MLLT1: variants seen among roughly 807,000 people sequenced by gnomAD.
MLLT1 encodes MLLT1 super elongation complex subunit, also known as protein ENL.
MLLT1 carries 11 observed loss-of-function variants against 55.1 expected under a neutral mutation model. That is an observed-to-expected ratio of 0.20 (90% confidence interval 0.13 to 0.33). The LOEUF (loss-of-function observed/expected upper bound fraction) is 0.33. MLLT1 is among the 10% of genes least tolerant of loss of function. The pLI is 1.00. For synonymous variants in MLLT1, 323 were observed against 320.1 expected, an observed-to-expected ratio of 1.01 and a Z score of -0.10; for missense variants, 536 against 760.6, an observed-to-expected ratio of 0.70 and a Z score of 3.47.
At position 6,226,936 on chromosome 19, in the gene MLLT1, C is replaced by A; in HGVS notation, c.546+41G>T. On this transcript the variant is annotated intron_variant, in intron 5 of 11. Transcript: ENST00000252674. This position sits in a 1 kb window ranked among gnomAD's most constrained non-coding sequence, Gnocchi z 6.3. Reference sequence around the variant, plus strand: ...CGGGGCCAGACCCACCACAGCTGGGCCCCGGCGCTCCCACGCGACTGGGCC... The same window carrying A: ...CGGGGCCAGACCCACCACAGCTGGGACCCGGCGCTCCCACGCGACTGGGCC... 1 of 1,507,258 alleles carries A rather than the reference C, an allele frequency of 6.6e-7. No individual in the cohort carries two copies. The highest frequency in any genetic ancestry group is 8.9e-7 in the Non-Finnish European group (1 of 1,128,482). 93.4% of individuals were successfully genotyped at this position (1,507,258 alleles called of 1,614,324 possible).
chr19:6,267,530 T>C (rs1453209823), intron 2 of MLLT1, among the ~76,000 whole-genome samples: 5 of 151,962 alleles, frequency 3.3e-5, no homozygotes, highest in Non-Finnish European at 5.9e-5. Context: ...AGACCAAATG[T>C]GAAGCAAGCT....
chr19:6,234,218 G>A (rs1568282600), intron 3 of MLLT1, among the ~76,000 whole-genome samples: 1 of 152,238 alleles, frequency 6.6e-6, no homozygotes. Context: ...TGTCCTCGCG[G>A]GACCCCCGGG....
At position 6,229,390 on chromosome 19, in the gene MLLT1, G is replaced by A. The variant is rs938318435; in HGVS notation, c.420+1180C>T. 4.6e-5 allele frequency among the ~76,000 whole-genome samples: 7 copies of A among 151,826 alleles called. No homozygotes were observed. Among genetic ancestry groups the A allele is most frequent in the Admixed American group, 1.3e-4 (2 of 15,256 alleles). ...GCCTCCTTCTTCTTAGGAGAACGAC[G>A]GCCACCAAGGACCTGACCATGCCCC... On this transcript the variant is annotated intron_variant, in intron 4 of 11. Transcript: ENST00000252674. This position sits in a 1 kb window ranked among gnomAD's most constrained non-coding sequence, Gnocchi z 5.2.
chr19:6,275,404 G>A (rs986425774), intron 1 of MLLT1, among the ~76,000 whole-genome samples: 1 of 152,278 alleles, frequency 6.6e-6, no homozygotes, highest in Middle Eastern at 3.4e-3. Flanking sequence ...ACAGGAAGAG[G>A]TGACGAGGCT....
intron 3 of MLLT1, among the ~76,000 whole-genome samples, chr19:6,245,793 G>A (rs2091162777): frequency 6.6e-6 from 1 of 152,142 alleles, no homozygotes; most frequent in Non-Finnish European, 1.5e-5. Flanking sequence ...CAGCTACTTG[G>A]GAGGCTAAGG....
rs1049126051 is a variant in MLLT1, at chr19:6,219,531, G to A, written c.1111-1490C>T. Among the ~76,000 whole-genome samples, 1 of 152,192 alleles carries A rather than the reference G, an allele frequency of 6.6e-6. No individual in the cohort carries two copies. The highest frequency in any genetic ancestry group is 2.4e-5 in the African/African-American group (1 of 41,434). ...CCCAGCCTTCTAACCAGCAGGCCTT[G>A]CTACTCAGAACAAGGCCGTCCTATG... is the stretch of plus-strand genomic sequence containing the variant. On this transcript the variant is annotated intron_variant, in intron 6 of 11. Transcript: ENST00000252674. This position sits in a 1 kb window ranked among gnomAD's most constrained non-coding sequence, Gnocchi z 4.5.
intron 2 of MLLT1, among the ~76,000 whole-genome samples, chr19:6,265,624 C>T (rs1241431247): frequency 2.0e-5 from 3 of 151,654 alleles, no homozygotes; most frequent in Non-Finnish European, 4.4e-5. Context: ...GAGCCAAGAT[C>T]GCGCCATTGC....
chr19:6,230,012 C>A lies in MLLT1; in HGVS notation c.420+558G>T, dbSNP rs1258791376. 6.6e-6 allele frequency among the ~76,000 whole-genome samples: 1 copy of A among 152,130 alleles called. No homozygotes were observed. The highest frequency in any genetic ancestry group is 1.9e-4 in the East Asian group (1 of 5,188). On this transcript the variant is annotated intron_variant, in intron 4 of 11. Coordinates refer to ENST00000252674, the MANE Select transcript of MLLT1 (RefSeq NM_005934.4). The surrounding 1 kb of genome is among the most constrained non-coding windows in gnomAD (Gnocchi z 9.0). ...CTGCACGTCCCTCCCTCCACGCCCC[C>A]CTCCTCCATAACCACCACCAGCCCT...
Position 6,212,527 on chromosome 19 carries a change from G to A in MLLT1, c.*515C>T. On this transcript the variant is annotated 3_prime_UTR_variant, in exon 12 of 12. Transcript: ENST00000252674. ...ACTATACAGCACAGACCCCAGCGCA[G>A]CGCGAGCCGGGGAGGAGCCGGCGCT... The A allele has an allele frequency of 8.3e-6, 9 of 1,080,938 alleles. No individual in the cohort carries two copies. The highest frequency in any genetic ancestry group is 4.4e-5 in the South Asian group (1 of 22,986). 67.0% of individuals were successfully genotyped at this position (1,080,938 alleles called of 1,614,324 possible).
At chr19:6,266,953 C>T (rs1197642033) in intron 2 of MLLT1, among the ~76,000 whole-genome samples, 1 of 152,104 alleles carries the variant, frequency 6.6e-6, no homozygotes, top group Non-Finnish European at 1.5e-5. Flanking sequence ...CAGCATGAAA[C>T]ACTCAGAGGA....
chr19:6,231,902 A>G lies in MLLT1; in HGVS notation c.277-1189T>C, dbSNP rs2091014536. 6.6e-6 allele frequency among the ~76,000 whole-genome samples: 1 copy of G among 152,058 alleles called. No homozygotes were observed. Among genetic ancestry groups the G allele is most frequent in the Admixed American group, 6.5e-5 (1 of 15,276 alleles). On this transcript the variant is annotated intron_variant, in intron 3 of 11. Coordinates refer to ENST00000252674, the MANE Select transcript of MLLT1 (RefSeq NM_005934.4). The surrounding 1 kb of genome is among the most constrained non-coding windows in gnomAD (Gnocchi z 5.1). ...GAGTGTGGGAAAACCGCACTATGAC[A>G]AGCACGAATGTCACACGGAAGAAGG...
chr19:6,278,201 T>C (rs1046439333), intron 1 of MLLT1, among the ~76,000 whole-genome samples: 6 of 152,136 alleles, frequency 3.9e-5, no homozygotes, highest in Non-Finnish European at 8.8e-5. Flanking sequence ...CACAACACCT[T>C]TCCTGGCCTG....
chr19:6,216,484 G>T lies in MLLT1; in HGVS notation c.1228C>A (p.Gln410Lys). 6.2e-7 allele frequency: 1 copy of T among 1,605,282 alleles called. No individual in the cohort carries two copies. The highest frequency in any genetic ancestry group is 8.5e-7 in the Non-Finnish European group (1 of 1,176,824). ...TCGTCCTCGTCGGACTCCTCGGACTGCAGGTCCTCCACCATGGAGCGCAGG... is the reference window on the plus strand; with the variant it reads ...TCGTCCTCGTCGGACTCCTCGGACTTCAGGTCCTCCACCATGGAGCGCAGG... ...GPLRSMVEDL[Q>K]SEESDEDDSS... is the part of the protein sequence containing the mutation. The change falls in exon 8 of 12, where the codon CAG (glutamine) becomes AAG (lysine). Residue 410 changes from glutamine to lysine, a missense_variant. Physicochemically the swap from Gln to Lys is moderately conservative, Grantham distance 53. Transcript: ENST00000252674.
intron 1 of MLLT1, among the ~76,000 whole-genome samples, chr19:6,276,436 G>A (rs528770246): frequency 6.6e-6 from 1 of 152,266 alleles, no homozygotes; most frequent in South Asian, 2.1e-4. Context: ...ATCGTTGTGA[G>A]GCAGCTGCTC....
At chr19:6,263,706 G>C (rs1247217422) in intron 2 of MLLT1, among the ~76,000 whole-genome samples, 3 of 152,226 alleles carry the variant, frequency 2.0e-5, no homozygotes, top group African/African-American at 7.2e-5. Context: ...AAGGCCGTGA[G>C]AGTGAAGGCA....
chr19:6,214,148 C>A (rs909319772), intron 8 of MLLT1, 110 bp from the exon 9 acceptor site: 7 of 529,500 alleles, frequency 1.3e-5, no homozygotes, highest in Admixed American at 7.7e-5. Context: ...AGCCCACACA[C>A]CCCCAACAGC....
rs564250577 is a variant in MLLT1, at chr19:6,263,725, G to A, written c.194-1415C>T. Among the ~76,000 whole-genome samples the A allele has an allele frequency of 3.9e-5, 6 of 152,326 alleles. No individual in the cohort carries two copies. The South Asian group carries it at 8.3e-4, about 21-fold the overall frequency. ...CCGTGAGAGTGAAGGCAGGAGGGAG[G>A]AGATTCAAGCCACCTGCCAGTTTCT... On this transcript the variant is annotated intron_variant, in intron 2 of 11. Transcript: ENST00000252674.
At chr19:6,255,178 T>C (rs780432149) in intron 3 of MLLT1, among the ~76,000 whole-genome samples, 2 of 152,078 alleles carry the variant, frequency 1.3e-5, no homozygotes, top group Non-Finnish European at 2.9e-5. Flanking sequence ...CCATTTACAA[T>C]AGCATTCCAA....
chr19:6,242,485 G>A (rs1336010568), intron 3 of MLLT1, among the ~76,000 whole-genome samples: 2 of 152,224 alleles, frequency 1.3e-5, no homozygotes, highest in African/African-American at 4.8e-5. Flanking sequence ...CCTGTCCAAT[G>A]ACAGCTTGTT....
Sources: gnomAD v4.1 joint callset for allele counts (sites outside exome capture counted in the v4.1 genomes callset) on GRCh38, gnomAD v4.1.1 for gene constraint, Gnocchi (gnomAD v3.1) non-coding constraint, MANE v1.5 for transcripts, NCBI Gene and HGNC (gene_info 2026-07-23, HGNC 2026-07-21) for gene names.